Variants in FSHR observed in about 807,000 individuals in gnomAD.
FSHR encodes the protein follicle stimulating hormone receptor.
A neutral mutation model predicts 52.1 loss-of-function variants in FSHR; 46 were observed. The observed-to-expected ratio is 0.88, with a 90% CI of 0.70 to 1.13. The LOEUF is 1.13. Among genes scored for constraint, FSHR ranks in the 50% most tolerant of loss-of-function variants. FSHR has a pLI of 0.00. For synonymous variants in FSHR, 399 were observed against 309.6 expected (o/e 1.29, Z -3.03); for missense variants, 964 against 834.6 (o/e 1.16, Z -1.91).
rs141902369 is a variant in FSHR, at chr2:49,033,513, G to T, written c.225-13353C>A. 3.3e-5 allele frequency among the ~76,000 whole-genome samples: 5 copies of T among 152,252 alleles called. No homozygotes were observed. The East Asian group carries it at 7.7e-4, about 24-fold the overall frequency. On this transcript the variant is annotated intron_variant, in intron 2 of 9. Coordinates refer to ENST00000406846, the MANE Select transcript of FSHR (RefSeq NM_000145.4). ...AAGGGGAGTTGATGAAGAGGCCAAC[G>T]CAGGAGGGCTGTTTTCAGCTCAGAT...
intron 8 of FSHR, 66 bp downstream of exon 8, chr2:48,982,846 C>A: frequency 7.4e-7 from 1 of 1,356,672 alleles, no homozygotes; most frequent in Non-Finnish European, 1.1e-6. Flanking sequence ...CCCCTAGCTG[C>A]AGAGAGTTGA....
chr2:49,078,036 T>C (rs1670013636), intron 1 of FSHR, among the ~76,000 whole-genome samples: 1 of 152,246 alleles, frequency 6.6e-6, no homozygotes. Context: ...CTTCCACATT[T>C]TCAGGTGTGT....
At chr2:49,034,345 A>C (rs1668206387) in intron 2 of FSHR, among the ~76,000 whole-genome samples, 3 of 152,184 alleles carry the variant, frequency 2.0e-5, no homozygotes, top group Admixed American at 2.0e-4. Flanking sequence ...AGGAGTTAAG[A>C]AAAGTCTGAT....
chr2:49,058,903 A>T (rs936129379), intron 2 of FSHR, among the ~76,000 whole-genome samples: 2 of 152,204 alleles, frequency 1.3e-5, no homozygotes, highest in African/African-American at 4.8e-5. Flanking sequence ...ATTCAATGCA[A>T]TTACTATCAA....
At chr2:49,127,830 C>CTTCT (rs1558456676) in intron 1 of FSHR, among the ~76,000 whole-genome samples, 53 of 21,026 alleles carry the variant, frequency 2.5e-3, no homozygotes, top group Admixed American at 3.1e-3. Flanking sequence ...CTTCTTCTTC[C>CTTCT]TCTTCTTCTT....
At chr2:49,017,667 C>T (rs1667537132) in intron 3 of FSHR, 104 bp from the exon 4 acceptor site, 4 of 800,976 alleles carry the variant, frequency 5.0e-6, no homozygotes. Flanking sequence ...CCCATCCACT[C>T]ATCCACCCAT....
At chr2:49,140,998 C>T (rs940656821) in intron 1 of FSHR, among the ~76,000 whole-genome samples, 2 of 152,138 alleles carry the variant, frequency 1.3e-5, no homozygotes, top group Non-Finnish European at 1.5e-5. Flanking sequence ...TTCTGGGCAC[C>T]ATCTTCATAA....
At chr2:49,129,884 A>C (rs536681706) in intron 1 of FSHR, among the ~76,000 whole-genome samples, 111 of 152,274 alleles carry the variant, frequency 7.3e-4, no homozygotes, top group African/African-American at 2.5e-3. Flanking sequence ...GATTATTTTA[A>C]AATGTTTGAG....
intron 2 of FSHR, among the ~76,000 whole-genome samples, chr2:49,062,919 A>G (rs1160473440): frequency 6.6e-6 from 1 of 152,148 alleles, no homozygotes; most frequent in Admixed American, 6.6e-5. Flanking sequence ...ACCCAAAACC[A>G]AAAACATAAA....
chr2:49,062,881 G>C (rs181377474), intron 2 of FSHR, among the ~76,000 whole-genome samples: 2 of 151,952 alleles, frequency 1.3e-5, no homozygotes, highest in Admixed American at 1.3e-4. Context: ...AGTGAAAATG[G>C]ATATTATAAA....
intron 1 of FSHR, among the ~76,000 whole-genome samples, chr2:49,136,173 C>G (rs1048841527): frequency 6.6e-6 from 1 of 151,692 alleles, no homozygotes; most frequent in Non-Finnish European, 1.5e-5. Context: ...ATCAGAAATG[C>G]AAGATATGGT....
intron 1 of FSHR, among the ~76,000 whole-genome samples, chr2:49,104,764 G>C (rs1423399830): frequency 6.6e-6 from 1 of 150,780 alleles, no homozygotes; most frequent in African/African-American, 2.4e-5. Flanking sequence ...AGGGTAGAGA[G>C]AGAAGGGAGT....
At chr2:49,107,053 T>C (rs1445615470) in intron 1 of FSHR, among the ~76,000 whole-genome samples, 1 of 152,178 alleles carries the variant, frequency 6.6e-6, no homozygotes, top group Non-Finnish European at 1.5e-5. Flanking sequence ...CATTTCATCA[T>C]TACCTTTCAA....
At chr2:49,018,503 A>T (rs758078286) in intron 3 of FSHR, among the ~76,000 whole-genome samples, 1 of 152,200 alleles carries the variant, frequency 6.6e-6, no homozygotes, top group Non-Finnish European at 1.5e-5. Context: ...GCACCTCTTT[A>T]TGCAAGGAAG....
intron 1 of FSHR, among the ~76,000 whole-genome samples, chr2:49,139,408 A>G (rs1438950757): frequency 6.6e-6 from 1 of 152,142 alleles, no homozygotes; most frequent in Non-Finnish European, 1.5e-5. Context: ...GAGAGCCTTT[A>G]TTATGTATAT....
At chr2:49,040,423 T>C (rs897358846) in intron 2 of FSHR, among the ~76,000 whole-genome samples, 3 of 148,828 alleles carry the variant, frequency 2.0e-5, no homozygotes, top group African/African-American at 7.8e-5. Flanking sequence ...AGTTACTCAA[T>C]TTTTTAAAAA....
chr2:48,968,189 A>C (rs1308949130), intron 9 of FSHR, among the ~76,000 whole-genome samples: 1 of 152,148 alleles, frequency 6.6e-6, no homozygotes, highest in African/African-American at 2.4e-5. Context: ...AGATGTCTTA[A>C]TCTTTATCCT....
intron 2 of FSHR, among the ~76,000 whole-genome samples, chr2:49,053,047 C>A (rs1668927295): frequency 6.6e-6 from 1 of 152,152 alleles, no homozygotes; most frequent in Non-Finnish European, 1.5e-5. Context: ...TTTCTTTCCC[C>A]AGTGATCTGG....
At chr2:49,028,686 G>T (rs1667992951) in intron 2 of FSHR, among the ~76,000 whole-genome samples, 1 of 152,218 alleles carries the variant, frequency 6.6e-6, no homozygotes, top group African/African-American at 2.4e-5. Flanking sequence ...GTGAACAGAA[G>T]TGGTGTGTGC....
Sources: gnomAD v4.1 joint callset for allele counts (sites outside exome capture counted in the v4.1 genomes callset) on GRCh38, gnomAD v4.1.1 for gene constraint, MANE v1.5 for transcripts, NCBI Gene and HGNC (gene_info 2026-07-23, HGNC 2026-07-21) for gene names.